ALDH1L2: variants seen among roughly 807,000 people sequenced by gnomAD.
ALDH1L2 encodes the protein mitochondrial 10-formyltetrahydrofolate dehydrogenase.
A neutral mutation model predicts 111.0 loss-of-function variants in ALDH1L2; 91 were observed. That is an observed-to-expected ratio of 0.82 (90% CI 0.69 to 0.98). ALDH1L2 has a LOEUF of 0.98. Among genes scored for constraint, ALDH1L2 ranks in the 50% least tolerant of loss-of-function variants. ALDH1L2 has a pLI of 0.00. For missense variants in ALDH1L2, 995 were observed against 1,126.8 expected (o/e 0.88, Z 1.67); for synonymous variants, 374 against 392.6 (o/e 0.95, Z 0.56).
At chr12:105,026,237 T>TG (rs1368980417) in intron 22 of ALDH1L2, among the ~76,000 whole-genome samples, 1 of 152,224 alleles carries the variant, frequency 6.6e-6, no homozygotes, top group Non-Finnish European at 1.5e-5. Context: ...CCCAAGTTCA[T>TG]GCCGAATGTC....
chr12:105,058,688 C>T (rs1430784448), intron 9 of ALDH1L2, among the ~76,000 whole-genome samples: 7 of 152,174 alleles, frequency 4.6e-5, no homozygotes, highest in African/African-American at 1.4e-4. Flanking sequence ...TAGCTAGAAC[C>T]ATATGCAGTA....
Position 105,020,123 on chromosome 12 carries a change from C to G in ALDH1L2, c.*4301G>C, listed in dbSNP as rs1874090561. The G allele has an allele frequency of 6.6e-6, 1 of 152,096 alleles. No individual in the cohort carries two copies. The highest frequency in any genetic ancestry group is 2.4e-5 in the African/African-American group (1 of 41,404). 9.4% of individuals were successfully genotyped at this position (152,096 alleles called of 1,614,324 possible). A position where few individuals can be genotyped will look rare whatever the true frequency, so the allele number is the denominator to read the frequency against. The stretch of plus-strand genomic sequence containing the variant: ...AATAATAATTTAATCCCCCTTATTT[C>G]TCATGTCTCATGCCTTATCCATCAT... On this transcript the variant is annotated 3_prime_UTR_variant, in exon 23 of 23. Coordinates refer to ENST00000258494, the MANE Select transcript of ALDH1L2 (RefSeq NM_001034173.4).
intron 1 of ALDH1L2, 81 bp from the exon 2 acceptor site, chr12:105,074,086 T>C: frequency 6.5e-7 from 1 of 1,533,342 alleles, no homozygotes; most frequent in Non-Finnish European, 8.9e-7. Flanking sequence ...AGATAGCTAT[T>C]GGGTACGATG....
At chr12:105,056,671 C>G (rs1294953436) in intron 10 of ALDH1L2, among the ~76,000 whole-genome samples, 1 of 151,250 alleles carries the variant, frequency 6.6e-6, no homozygotes, top group Non-Finnish European at 1.5e-5. Flanking sequence ...TACAGCAAAG[C>G]TTTCCTATAC....
rs780061595 is a variant in ALDH1L2, at chr12:105,052,839, G to A, written c.1380C>T (p.Tyr460=). 14 of 1,614,114 alleles carry A rather than the reference G, an allele frequency of 8.7e-6. No individual in the cohort carries two copies. The highest frequency in any genetic ancestry group is 6.7e-5 in the East Asian group (3 of 44,874). The stretch of plus-strand genomic sequence containing the variant: ...ATCCATCTGTTGGGTTGATAGTGTC[G>A]TAAGTCTTTCCATCGTCTGCATCTG... ...QFTDADDGKT[Y]DTINPTDGST... is the part of the protein sequence containing the mutation. Residue 460 remains tyrosine, a synonymous_variant, in exon 11 of 23, where the codon TAC becomes TAT. Coordinates refer to ENST00000258494, the MANE Select transcript of ALDH1L2 (RefSeq NM_001034173.4).
chr12:105,073,230 A>T (rs1417098606), intron 2 of ALDH1L2, among the ~76,000 whole-genome samples: 1 of 152,214 alleles, frequency 6.6e-6, no homozygotes, highest in Non-Finnish European at 1.5e-5. Context: ...AGATTAAGTA[A>T]CTTGCCCAAG....
At chr12:105,084,313 G>GC in intron 1 of ALDH1L2, 76 bp downstream of exon 1, 1 of 1,451,558 alleles carries the variant, frequency 6.9e-7, no homozygotes, top group Non-Finnish European at 9.1e-7. Flanking sequence ...CAGCCCCACC[G>GC]CCCCGGCCCT....
At chr12:105,076,241 G>C (rs2136112693) in intron 1 of ALDH1L2, among the ~76,000 whole-genome samples, 1 of 152,314 alleles carries the variant, frequency 6.6e-6, no homozygotes, top group South Asian at 2.1e-4. Context: ...GAAGTACATG[G>C]AAGTCTGAGA....
chr12:105,034,886 A>G (rs1874900847), intron 18 of ALDH1L2, among the ~76,000 whole-genome samples: 2 of 152,250 alleles, frequency 1.3e-5, no homozygotes, highest in African/African-American at 4.8e-5. Context: ...CAGGGGGCTG[A>G]GGCAGGAGAA....
At chr12:105,039,876 A>G (rs1875418189) in intron 16 of ALDH1L2, 70 bp from the exon 17 acceptor site, 2 of 1,375,070 alleles carry the variant, frequency 1.5e-6, no homozygotes, top group Non-Finnish European at 2.1e-6. Context: ...TACGCCTGTA[A>G]TCCCCGCACT....
At chr12:105,079,844 A>G (rs1235309998) in intron 1 of ALDH1L2, among the ~76,000 whole-genome samples, 1 of 152,218 alleles carries the variant, frequency 6.6e-6, no homozygotes, top group Non-Finnish European at 1.5e-5. Context: ...TGAATTCTAC[A>G]GACCTTTCCT....
rs1433275507 is a variant in ALDH1L2 at position 105,061,699 on chromosome 12, C to T, written c.975G>A (p.Gln325=). The part of the protein sequence containing the change: ...FEDGKMIPAS[Q]YFSTGETSVV... Reference sequence around the variant, plus strand: ...CTGACGTCTCACCCGTTGAAAAGTACTGAGAGGCAGGGATCATTTTTCCAT... The same window carrying T: ...CTGACGTCTCACCCGTTGAAAAGTATTGAGAGGCAGGGATCATTTTTCCAT... Residue 325 remains glutamine (Q), a synonymous_variant, in exon 8 of 23, where the codon CAG becomes CAA. Coordinates refer to ENST00000258494, the MANE Select transcript of ALDH1L2 (RefSeq NM_001034173.4). 16 of 1,614,022 alleles carry T rather than the reference C, an allele frequency of 9.9e-6. No homozygotes were observed. The highest frequency in any genetic ancestry group is 2.2e-5 in the East Asian group (1 of 44,890).
At position 105,044,657 on chromosome 12, in the gene ALDH1L2, A is replaced by T. The variant is rs988884104; in HGVS notation, c.1863+2053T>A. Among the ~76,000 whole-genome samples, 6 of 134,354 alleles carry T rather than the reference A, an allele frequency of 4.5e-5. No homozygotes were observed. In the South Asian group the frequency reaches 1.6e-3, roughly 36 times the overall value. 88.1% of individuals were successfully genotyped at this position (134,354 alleles called of 152,430 possible). On this transcript the variant is annotated intron_variant, in intron 15 of 22. Transcript: ENST00000258494. ...TATGACCCCCATGGATGGATTTGTC[A>T]ATATCTATCACACAAATACATGTAT...
chr12:105,060,725 G>T, intron 9 of ALDH1L2: 1 of 252,234 alleles, frequency 4.0e-6, no homozygotes, highest in Non-Finnish European at 7.7e-6. Flanking sequence ...TCGGGAGGCC[G>T]AGGCAGGAGA....
intron 19 of ALDH1L2, 124 bp from the exon 20 acceptor site, chr12:105,032,058 C>T (rs540304259): frequency 1.8e-4 from 173 of 955,618 alleles, no homozygotes; most frequent in South Asian, 1.0e-3. Flanking sequence ...ACAATAGCAC[C>T]GGAGGTAGGT....
intron 12 of ALDH1L2, chr12:105,050,551 A>G (rs566615387): frequency 1.2e-4 from 44 of 364,834 alleles, no homozygotes; most frequent in Non-Finnish European, 1.6e-5. Flanking sequence ...ATGATACGGT[A>G]AGACTCATCT....
At position 105,031,816 on chromosome 12, in the gene ALDH1L2, T is replaced by A. The variant is rs150832853; in HGVS notation, c.2363A>T (p.Lys788Ile). 202 of 1,614,176 alleles carry A rather than the reference T, an allele frequency of 1.3e-4. No individual in the cohort carries two copies. The highest frequency in any genetic ancestry group is 8.2e-4 in the Middle Eastern group (5 of 6,062). Reference sequence around the variant, plus strand: ...CCCGTACACCAAAGTGGCCCCTTCTTTCACTCCAGTTTCACAGTATTGCAG... The same window carrying A: ...CCCGTACACCAAAGTGGCCCCTTCTATCACTCCAGTTTCACAGTATTGCAG... ...KLLQYCETGVKEGATLVYGGR... is the reference protein window; with the variant it reads ...KLLQYCETGVIEGATLVYGGR... Residue 788 changes from lysine to isoleucine, a missense_variant, in exon 20 of 23, where the codon AAA becomes ATA. By Grantham distance (102) the Lys-to-Ile change is moderately radical. Coordinates refer to ENST00000258494, the MANE Select transcript of ALDH1L2 (RefSeq NM_001034173.4).
chr12:105,031,391 C>G (rs1565949350), intron 20 of ALDH1L2, among the ~76,000 whole-genome samples: 1 of 152,184 alleles, frequency 6.6e-6, no homozygotes, highest in Non-Finnish European at 1.5e-5. Flanking sequence ...GCTTTTTTGG[C>G]AGGAACACTT....
At chr12:105,058,367 G>C in intron 9 of ALDH1L2, 147 bp from the exon 10 acceptor site, 1 of 754,000 alleles carries the variant, frequency 1.3e-6, no homozygotes, top group Non-Finnish European at 1.9e-6. Context: ...ATACTCATCA[G>C]AGAAATTGAT....
Sources: allele counts gnomAD v4.1 joint callset (sites outside exome capture counted in the v4.1 genomes callset), GRCh38; gene constraint gnomAD v4.1.1; transcripts MANE v1.5; gene names NCBI Gene and HGNC (gene_info 2026-07-23, HGNC 2026-07-21).